CHD1: variants seen among roughly 807,000 people sequenced by gnomAD.
CHD1 encodes the protein ATP-dependent chromatin remodeler CHD1.
In CHD1, 36 loss-of-function variants were observed where a neutral mutation model predicts 224.2. The ratio of observed to expected loss-of-function variants is 0.16; its 90% CI spans 0.12 to 0.21. CHD1 has a LOEUF of 0.21. Ranked by LOEUF, CHD1 falls within the 10% of genes least tolerant of loss-of-function variation. The pLI is 1.00. For missense variants in CHD1, 1,378 were observed against 1,994.8 expected (o/e 0.69, Z 5.89); for synonymous variants, 668 against 658.3 (o/e 1.01, Z -0.23).
At chr5:98,882,490 A>G (rs1750266225) in intron 19 of CHD1, among the ~76,000 whole-genome samples, 1 of 151,824 alleles carries the variant, frequency 6.6e-6, no homozygotes, top group Non-Finnish European at 1.5e-5. Flanking sequence ...TCATCACTCT[A>G]TATAATGCAA....
chr5:98,887,680 T>C (rs1290616338), intron 17 of CHD1, among the ~76,000 whole-genome samples: 5 of 152,186 alleles, frequency 3.3e-5, no homozygotes, highest in Non-Finnish European at 7.4e-5. Flanking sequence ...GTCAGATAAC[T>C]ATGAGCACAC....
intron 32 of CHD1, among the ~76,000 whole-genome samples, chr5:98,861,663 G>A (rs1748479752): frequency 2.0e-5 from 3 of 150,294 alleles, no homozygotes; most frequent in Admixed American, 6.6e-5. Flanking sequence ...CACCATGCCC[G>A]ACTACTTTTT....
intron 3 of CHD1, 38 bp from the exon 4 acceptor site, chr5:98,903,946 T>TA: frequency 1.5e-6 from 2 of 1,313,614 alleles, no homozygotes; most frequent in Non-Finnish European, 2.1e-6. Flanking sequence ...GAAGAAGTAT[T>TA]AAGAAAACTG....
chr5:98,905,800 A>G (rs758043172), intron 2 of CHD1, among the ~76,000 whole-genome samples: 1 of 152,156 alleles, frequency 6.6e-6, no homozygotes, highest in East Asian at 1.9e-4. Flanking sequence ...TTCATAAACT[A>G]TCCTTTTTTC....
chr5:98,879,777 C>A, intron 22 of CHD1, 49 bp from the exon 23 acceptor site: 1 of 1,358,170 alleles, frequency 7.4e-7, no homozygotes, highest in Admixed American at 2.5e-5. Flanking sequence ...AAAATTGATC[C>A]CTAAAAGTTT....
At chr5:98,898,518 A>C in intron 9 of CHD1, 84 bp from the exon 10 acceptor site, 1 of 1,317,412 alleles carries the variant, frequency 7.6e-7, no homozygotes, top group Non-Finnish European at 1.0e-6. Flanking sequence ...TAAAGGCTAC[A>C]CAAGTAAAAT....
In CHD1 at chr5:98,858,948, AG is replaced by A; in HGVS notation, c.4576+15del. ...TTTTTTTTAATTTATTTTCCCAATC[AG>A]TAAGGCTTACATACCTGGATTTCTA... On this transcript the variant is annotated intron_variant, in intron 34 of 35. Coordinates refer to ENST00000614616, the MANE Select transcript of CHD1 (RefSeq NM_001270.4). The A allele has an allele frequency of 6.7e-7, 1 of 1,495,780 alleles. No individual in the cohort carries two copies. Among genetic ancestry groups the A allele is most frequent in the Non-Finnish European group, 8.9e-7 (1 of 1,128,436 alleles). 92.7% of individuals were successfully genotyped at this position (1,495,780 alleles called of 1,614,324 possible).
At chr5:98,868,818 T>G (rs1749100861) in intron 30 of CHD1, 183 bp from the exon 31 acceptor site, 1 of 667,616 alleles carries the variant, frequency 1.5e-6, no homozygotes, top group African/African-American at 1.8e-5. Context: ...CAATCAAAGC[T>G]ACTCTGTAAT....
In CHD1 at chr5:98,926,452, A is replaced by C; in HGVS notation, c.-66T>G. ...CTTCCCAGTTTAAAAGATGAATATA[A>C]ATACTGACTCCTTGAATATAAAAAT... On this transcript the variant is annotated 5_prime_UTR_variant, in exon 2 of 36. In the 5' UTR this introduces an upstream ATG that the reference lacks. Transcript: ENST00000614616. 3.9e-6 allele frequency: 3 copies of C among 761,716 alleles called. No homozygotes were observed. Among genetic ancestry groups the C allele is most frequent in the Non-Finnish European group, 4.0e-6 (2 of 497,268 alleles). 47.2% of individuals were successfully genotyped at this position (761,716 alleles called of 1,614,324 possible).
At position 98,856,586 on chromosome 5, in the gene CHD1, G is replaced by C; in HGVS notation, c.4927C>G (p.His1643Asp). Residue 1643 changes from histidine (H) to aspartate (D), a missense_variant, in exon 36 of 36, where the codon CAC (histidine) becomes GAC (aspartate). Around this residue, in one of 16 missense-constraint regions of CHD1, gnomAD observed 278 missense variants for 298.5 expected, o/e 0.93. Transcript: ENST00000614616. ...SHSDHRLHSDHRSSSEYTHHK... is the reference protein window; with the variant it reads ...SHSDHRLHSDDRSSSEYTHHK... ...TGCGTATATTCAGAACTTGACCGGT[G>C]GTCTGAATGTAACCGATGATCTGAG... 1 of 1,613,678 alleles carries C rather than the reference G, an allele frequency of 6.2e-7. No individual in the cohort carries two copies. The highest frequency in any genetic ancestry group is 8.5e-7 in the Non-Finnish European group (1 of 1,179,746).
rs762132508 is a variant in CHD1 at position 98,899,495 on chromosome 5, T to C, written c.1070A>G (p.Gln357Arg). 3 of 1,602,274 alleles carry C rather than the reference T, an allele frequency of 1.9e-6. No homozygotes were observed. Among genetic ancestry groups the C allele is most frequent in the Admixed American group, 1.7e-5 (1 of 59,934 alleles). The change falls in exon 8 of 36, where the codon CAG becomes CGG. Residue 357 changes from glutamine (Q) to arginine (R), a missense_variant. Physicochemically the swap from Gln to Arg is conservative, Grantham distance 43. Around this residue, in one of 16 missense-constraint regions of CHD1, gnomAD observed 15 missense variants for 16.2 expected, o/e 0.93. Coordinates refer to ENST00000614616, the MANE Select transcript of CHD1 (RefSeq NM_001270.4). ...KKLDNYKKKD[Q>R]ETKRWLKNAS... ...GCATACTTACCATCTTTTTGTTTCC[T>C]GATCTTTTTTCTTATAATTATCCAA...
chr5:98,883,841 ATATATATATATATATATATATTTTTTT>A, intron 18 of CHD1: 2 of 48,602 alleles, frequency 4.1e-5, no homozygotes, highest in South Asian at 7.8e-4. Flanking sequence ...ATATATATAT[ATATATATATATATATATATATTTTTTT>A]TTTTTTTTTT....
At position 98,917,299 on chromosome 5, in the gene CHD1, C is replaced by CCAAAAAAAAAAAAAAAAAAAA. The variant is rs775841258; in HGVS notation, c.53+9034_53+9035insTTTTTTTTTTTTTTTTTTTTG. Among the ~76,000 whole-genome samples the CCAAAAAAAAAAAAAAAAAAAA allele has an allele frequency of 1.5e-3, 175 of 119,788 alleles. 18 individuals carry two copies. The highest frequency in any genetic ancestry group is 6.6e-3 in the African/African-American group (168 of 25,270). 78.6% of individuals were successfully genotyped at this position (119,788 alleles called of 152,430 possible). A position where few individuals can be genotyped will look rare whatever the true frequency, so the allele number is the denominator to read the frequency against. Reference sequence around the variant, plus strand: ...GCCCATCCCTCCAAAAACAAAGAAACAAAAAAAAAAAACAACCTCTTAATT... The same window carrying CCAAAAAAAAAAAAAAAAAAAA: ...GCCCATCCCTCCAAAAACAAAGAAACCAAAAAAAAAAAAAAAAAAAAAAAAAAAAAAAACAACCTCTTAATT... On this transcript the variant is annotated intron_variant, in intron 2 of 35. Transcript: ENST00000614616.
intron 2 of CHD1, among the ~76,000 whole-genome samples, chr5:98,911,946 C>T (rs1220143981): frequency 1.3e-5 from 2 of 152,034 alleles, no homozygotes; most frequent in Non-Finnish European, 1.5e-5. Flanking sequence ...AATTTAAGTA[C>T]TCTTAAATCA....
chr5:98,893,634 G>C (rs762416719), intron 13 of CHD1, 28 bp from the exon 14 acceptor site: 9 of 1,423,776 alleles, frequency 6.3e-6, no homozygotes, highest in Non-Finnish European at 8.6e-6. Context: ...ACAGTATTTT[G>C]AGAGAAAAAC....
At chr5:98,877,433 C>CT in intron 23 of CHD1, among the ~76,000 whole-genome samples, 1 of 152,258 alleles carries the variant, frequency 6.6e-6, no homozygotes, top group South Asian at 2.1e-4. Flanking sequence ...GATTAGCTGT[C>CT]TTTTTTTCCG....
rs980503284 is a variant in CHD1 at position 98,858,831 on chromosome 5, G to T, written c.4576+133C>A. 1.6e-5 allele frequency: 8 copies of T among 510,766 alleles called. No individual in the cohort carries two copies. In the East Asian group the frequency reaches 2.7e-4, roughly 17 times the overall value. 31.6% of individuals were successfully genotyped at this position (510,766 alleles called of 1,614,324 possible). On this transcript the variant is annotated intron_variant, in intron 34 of 35. Transcript: ENST00000614616. ...AATGTAGGTATGTATCAGAATTACTGTATCTCCTTAATATAAAGGTACTTA... is the reference window on the plus strand; with the variant it reads ...AATGTAGGTATGTATCAGAATTACTTTATCTCCTTAATATAAAGGTACTTA...
chr5:98,880,974 T>A (rs1161345859), intron 22 of CHD1, 102 bp downstream of exon 22: 3 of 740,458 alleles, frequency 4.1e-6, no homozygotes, highest in Non-Finnish European at 7.0e-6. Flanking sequence ...AACACAGCAA[T>A]CTTCCTGATT....
chr5:98,893,074 T>C lies in CHD1; in HGVS notation c.1991+342A>G, dbSNP rs17166425. On this transcript the variant is annotated intron_variant, in intron 14 of 35. Coordinates refer to ENST00000614616, the MANE Select transcript of CHD1 (RefSeq NM_001270.4). ...TATTTAGCCTTGTCTAGTCTAGTTT[T>C]CCTCATTTAGAAAAAGGGATTACCA... Among the ~76,000 whole-genome samples the C allele has an allele frequency of 2.7e-4, 41 of 152,292 alleles. 1 individual carries two copies. In the East Asian group the frequency reaches 7.7e-3, roughly 29 times the overall value.
Sources: gnomAD v4.1 joint callset for allele counts (sites outside exome capture counted in the v4.1 genomes callset) on GRCh38, gnomAD v4.1.1 for gene constraint, gnomAD v4.1.1 regional missense constraint, MANE v1.5 for transcripts, NCBI Gene and HGNC (gene_info 2026-07-23, HGNC 2026-07-21) for gene names.